Variants in GSDMB observed in about 807,000 individuals in gnomAD.
GSDMB encodes gasdermin-B.
GSDMB carries 32 observed loss-of-function variants against 42.9 expected under a neutral mutation model. The observed-to-expected ratio is 0.75, with a 90% CI of 0.56 to 1.00. The LOEUF is 1.00. GSDMB is among the 50% of genes least tolerant of loss of function. The pLI, the probability that GSDMB is intolerant of heterozygous loss-of-function variation, is 0.00. For missense variants in GSDMB, 468 were observed against 498.5 expected, an observed-to-expected ratio of 0.94 and a Z score of 0.58; for synonymous variants, 175 against 193.7, an observed-to-expected ratio of 0.90 and a Z score of 0.80.
chr17:39,905,224 TA>T, intron 10 of GSDMB: 1 of 606,082 alleles, frequency 1.6e-6, no homozygotes, highest in Non-Finnish European at 2.9e-6. Flanking sequence ...TGCCCACAGA[TA>T]AAAAACAGAG....
At chr17:39,908,600 G>C (rs2063549367) in intron 5 of GSDMB, among the ~76,000 whole-genome samples, 1 of 152,020 alleles carries the variant, frequency 6.6e-6, no homozygotes, top group Non-Finnish European at 1.5e-5. Context: ...GGCTGGTCTC[G>C]AACTCCTGAT....
rs180946327 is a variant in GSDMB at position 39,908,743 on chromosome 17, G to A, written c.661+215C>T. 5.9e-5 allele frequency among the ~76,000 whole-genome samples: 9 copies of A among 152,268 alleles called. No individual in the cohort carries two copies. The East Asian group carries it at 1.5e-3, about 26-fold the overall frequency. ...GTTAATGACTCTTATGTCATGTTCA[G>A]GCAAATCCTGGGTCAGCGGGTCCAG... On this transcript the variant is annotated intron_variant, in intron 5 of 10. Coordinates refer to ENST00000418519, the MANE Select transcript of GSDMB (RefSeq NM_001165958.2).
At chr17:39,912,867 A>G (rs1568104904) in intron 2 of GSDMB, among the ~76,000 whole-genome samples, 1 of 152,204 alleles carries the variant, frequency 6.6e-6, no homozygotes, top group Non-Finnish European at 1.5e-5. Flanking sequence ...GAACTTTGGG[A>G]GGCTGTGGCA....
chr17:39,913,592 C>A (rs955863709), intron 2 of GSDMB, among the ~76,000 whole-genome samples: 1 of 152,232 alleles, frequency 6.6e-6, no homozygotes, highest in Non-Finnish European at 1.5e-5. Flanking sequence ...GCACTCCAGC[C>A]TGGGCGACAG....
intron 3 of GSDMB, among the ~76,000 whole-genome samples, chr17:39,910,440 G>A (rs141136218): frequency 1.3e-5 from 2 of 152,352 alleles, no homozygotes; most frequent in Non-Finnish European, 2.9e-5. Context: ...TATGATGGTA[G>A]GCAGAATTAC....
At chr17:39,906,051 A>G in intron 8 of GSDMB, 60 bp downstream of exon 8, 1 of 1,531,550 alleles carries the variant, frequency 6.5e-7, no homozygotes, top group Non-Finnish European at 9.0e-7. Flanking sequence ...CACTGTGCCA[A>G]CTGCCATCCC....
chr17:39,905,094 C>T (rs2063480434), intron 10 of GSDMB, 130 bp from the exon 11 acceptor site: 5 of 789,038 alleles, frequency 6.3e-6, no homozygotes, highest in Non-Finnish European at 8.6e-6. Flanking sequence ...CTCTTTCCTG[C>T]AGAGCCCGGA....
At chr17:39,912,649 C>A in intron 2 of GSDMB, 152 bp from the exon 3 acceptor site, 2 of 652,558 alleles carry the variant, frequency 3.1e-6, no homozygotes, top group Non-Finnish European at 2.7e-6. Context: ...CCAGGAAATG[C>A]TGTTCTCACC....
At chr17:39,918,050 T>C (rs1318733362) in intron 1 of GSDMB, 3 of 152,232 alleles carry the variant, frequency 2.0e-5, no homozygotes, top group Admixed American at 2.0e-4. Flanking sequence ...ACAGCAGAGT[T>C]GCCCCCTTGT....
chr17:39,905,066 T>A, intron 10 of GSDMB, 102 bp from the exon 11 acceptor site: 2 of 938,176 alleles, frequency 2.1e-6, no homozygotes, highest in Non-Finnish European at 3.4e-6. Context: ...TAGGCAGACG[T>A]AATAATCCAT....
chr17:39,910,731 T>C (rs1319549599), intron 3 of GSDMB, among the ~76,000 whole-genome samples: 2 of 152,218 alleles, frequency 1.3e-5, no homozygotes, highest in African/African-American at 4.8e-5. Context: ...GAAACTCATG[T>C]TGAGACCTAA....
intron 3 of GSDMB, among the ~76,000 whole-genome samples, chr17:39,911,081 C>G (rs1480666130): frequency 6.6e-6 from 1 of 152,112 alleles, no homozygotes; most frequent in Non-Finnish European, 1.5e-5. Context: ...GCAGGTGGAT[C>G]ACCTGAGGTC....
chr17:39,912,333 C>G lies in GSDMB; in HGVS notation c.400G>C (p.Glu134Gln), dbSNP rs1028691526. 3 of 1,613,586 alleles carry G rather than the reference C, an allele frequency of 1.9e-6. No homozygotes were observed. Among genetic ancestry groups the G allele is most frequent in the African/African-American group, 2.7e-5 (2 of 74,900 alleles). Residue 134 changes from glutamate to glutamine, a missense_variant, in exon 3 of 11, where the codon GAA becomes CAA. Coordinates refer to ENST00000418519, the MANE Select transcript of GSDMB (RefSeq NM_001165958.2). Reference sequence around the variant, plus strand: ...GCCCAACTCCAACCTCACCTGTTTTCAAGGGTAGCCAGATACTGCTGGGAT... The same window carrying G: ...GCCCAACTCCAACCTCACCTGTTTTGAAGGGTAGCCAGATACTGCTGGGAT... Reference protein sequence around the residue: ...RISQQYLATLENRKLKRELPF... With the variant: ...RISQQYLATLQNRKLKRELPF...
At chr17:39,906,775 A>C (rs1568101346) in intron 7 of GSDMB, 186 bp downstream of exon 7, 3 of 1,400,272 alleles carry the variant, frequency 2.1e-6, no homozygotes, top group Non-Finnish European at 2.8e-6. Context: ...TTGGGGTATA[A>C]CCAATGAGAA....
chr17:39,912,569 G>A, intron 2 of GSDMB, 72 bp from the exon 3 acceptor site: 3 of 1,222,322 alleles, frequency 2.5e-6, no homozygotes, highest in Non-Finnish European at 3.6e-6. Flanking sequence ...ACCCTCCCTG[G>A]GGCAGCCCCA....
chr17:39,912,575 C>G, intron 2 of GSDMB, 78 bp from the exon 3 acceptor site: 1 of 1,156,992 alleles, frequency 8.6e-7, no homozygotes, highest in Non-Finnish European at 1.3e-6. Flanking sequence ...CCTGGGGCAG[C>G]CCCATCCTGG....
At chr17:39,910,650 G>A (rs921236125) in intron 3 of GSDMB, among the ~76,000 whole-genome samples, 51 of 152,166 alleles carry the variant, frequency 3.4e-4, no homozygotes, top group Non-Finnish European at 7.4e-5. Flanking sequence ...AGCTCCTTGC[G>A]CTGGTCCCTG....
chr17:39,911,790 T>C (rs869402), intron 3 of GSDMB, among the ~76,000 whole-genome samples: 91,209 of 151,922 alleles, frequency 0.6, 28,691 homozygotes, highest in African/African-American at 0.8. Context: ...AAGCACAAAA[T>C]ACTGATGTGG....
chr17:39,915,903 A>T (rs2063701294), intron 2 of GSDMB, among the ~76,000 whole-genome samples: 1 of 152,150 alleles, frequency 6.6e-6, no homozygotes, highest in Non-Finnish European at 1.5e-5. Flanking sequence ...TGTATCAGAG[A>T]GGTCTGAGCT....
Sources: gnomAD v4.1 joint callset for allele counts (sites outside exome capture counted in the v4.1 genomes callset) on GRCh38, gnomAD v4.1.1 for gene constraint, MANE v1.5 for transcripts, NCBI Gene and HGNC (gene_info 2026-07-23, HGNC 2026-07-21) for gene names.